Variants in ATRNL1 observed in about 807,000 individuals in gnomAD.
ATRNL1 encodes the protein attractin-like protein 1.
ATRNL1 carries 95 observed loss-of-function variants against 182.7 expected under a neutral mutation model. The observed-to-expected ratio is 0.52, with a 90% confidence interval of 0.44 to 0.62. The LOEUF (loss-of-function observed/expected upper bound fraction) is 0.62. Among genes scored for constraint, ATRNL1 ranks in the 20% least tolerant of loss-of-function variants. ATRNL1 has a pLI of 0.00. For missense variants in ATRNL1, 1,471 were observed against 1,679.5 expected, an observed-to-expected ratio of 0.88 and a Z score of 2.17; for synonymous variants, 576 against 568.3, an observed-to-expected ratio of 1.01 and a Z score of -0.19.
intron 28 of ATRNL1, among the ~76,000 whole-genome samples, chr10:115,887,500 G>A (rs186604026): frequency 7.9e-5 from 12 of 152,150 alleles, no homozygotes; most frequent in Admixed American, 2.0e-4. Flanking sequence ...CTTTTATAAG[G>A]GCACTGGTCC....
chr10:115,214,750 T>C (rs1264747), intron 8 of ATRNL1, among the ~76,000 whole-genome samples: 5,146 of 152,214 alleles, frequency 0.034, 110 homozygotes, highest in African/African-American at 0.052. Flanking sequence ...AAATTGTGGG[T>C]TTTTCGTATG....
At position 115,093,645 on chromosome 10, in the gene ATRNL1, G is replaced by A; in HGVS notation, c.-106G>A. ...GACTCGGACGGGCGCCGGTGAGGAGGAGGAGAAGCGGCGGCGGAGAGGTTT... is the reference window on the plus strand; with the variant it reads ...GACTCGGACGGGCGCCGGTGAGGAGAAGGAGAAGCGGCGGCGGAGAGGTTT... On this transcript the variant is annotated 5_prime_UTR_variant, in exon 1 of 29. Transcript: ENST00000355044. This position sits in a 1 kb window ranked among gnomAD's most constrained non-coding sequence, Gnocchi z 6.1. 1 of 1,258,282 alleles carries A rather than the reference G, an allele frequency of 7.9e-7. No homozygotes were observed. The highest frequency in any genetic ancestry group is 1.3e-5 in the South Asian group (1 of 76,790). The allele number at this position is 1,258,282 out of a possible 1,614,324, so 77.9% of individuals were successfully genotyped here.
intron 24 of ATRNL1, among the ~76,000 whole-genome samples, chr10:115,511,619 C>T (rs1850391415): frequency 6.6e-6 from 1 of 151,870 alleles, no homozygotes; most frequent in Non-Finnish European, 1.5e-5. Flanking sequence ...TTTTCTCCCA[C>T]AAATTTTGAC....
chr10:115,780,204 G>A (rs1210838421), intron 27 of ATRNL1, among the ~76,000 whole-genome samples: 1 of 152,190 alleles, frequency 6.6e-6, no homozygotes, highest in Non-Finnish European at 1.5e-5. Context: ...GTGCTGCTCT[G>A]CCACAGGATA....
At chr10:115,102,328 A>G (rs1199216761) in intron 1 of ATRNL1, among the ~76,000 whole-genome samples, 3 of 151,878 alleles carry the variant, frequency 2.0e-5, no homozygotes, top group Non-Finnish European at 4.4e-5. Flanking sequence ...CTTTATGTAT[A>G]TTTATTTTTT....
At chr10:115,286,713 T>C (rs545193914) in intron 15 of ATRNL1, among the ~76,000 whole-genome samples, 10 of 152,062 alleles carry the variant, frequency 6.6e-5, no homozygotes, top group African/African-American at 2.2e-4. Context: ...AAACAATTTT[T>C]GCTGAAAACT....
intron 5 of ATRNL1, among the ~76,000 whole-genome samples, chr10:115,157,585 A>T (rs1471770193): frequency 1.3e-5 from 2 of 152,016 alleles, no homozygotes; most frequent in Non-Finnish European, 2.9e-5. Flanking sequence ...CTATCTTCAG[A>T]TCCGGGACTG....
At chr10:115,511,325 A>G (rs1487949891) in intron 24 of ATRNL1, among the ~76,000 whole-genome samples, 12 of 151,936 alleles carry the variant, frequency 7.9e-5, no homozygotes, top group Non-Finnish European at 1.6e-4. Context: ...TAAGAATATA[A>G]CCTAATAAGA....
chr10:115,569,920 G>A (rs1330922904), intron 26 of ATRNL1, among the ~76,000 whole-genome samples: 2 of 152,156 alleles, frequency 1.3e-5, no homozygotes, highest in African/African-American at 4.8e-5. Flanking sequence ...CAGCAGATTT[G>A]GTGTCTGGCG....
intron 25 of ATRNL1, among the ~76,000 whole-genome samples, chr10:115,519,637 A>G (rs1850816168): frequency 6.6e-6 from 1 of 152,174 alleles, no homozygotes; most frequent in African/African-American, 2.4e-5. Flanking sequence ...CATGCACCAC[A>G]TGGATTAGTT....
intron 1 of ATRNL1, among the ~76,000 whole-genome samples, chr10:115,094,582 C>T (rs939305457): frequency 2.6e-5 from 4 of 152,140 alleles, no homozygotes; most frequent in African/African-American, 7.2e-5. Flanking sequence ...GATGGACTTG[C>T]TAAGTGCCAA....
chr10:115,504,791 T>G (rs1269510497), intron 24 of ATRNL1, among the ~76,000 whole-genome samples: 2 of 152,180 alleles, frequency 1.3e-5, no homozygotes, highest in Non-Finnish European at 2.9e-5. Flanking sequence ...TTTAAGCACT[T>G]TTATTTTCTT....
chr10:115,586,670 A>G lies in ATRNL1; in HGVS notation c.3795+37134A>G, dbSNP rs1490643087. On this transcript the variant is annotated intron_variant, in intron 26 of 28. Coordinates refer to ENST00000355044, the MANE Select transcript of ATRNL1 (RefSeq NM_207303.4). Reference sequence around the variant, plus strand: ...ATACATTCTTCTAAATTTTTTTCAGAGTTTTCAACTTCTTTGCCTTTGGTT... The same window carrying G: ...ATACATTCTTCTAAATTTTTTTCAGGGTTTTCAACTTCTTTGCCTTTGGTT... 1.5e-4 allele frequency among the ~76,000 whole-genome samples: 18 copies of G among 119,478 alleles called. 1 individual carries two copies. Among genetic ancestry groups the G allele is most frequent in the African/African-American group, 4.6e-4 (17 of 37,108 alleles). The allele number at this position is 119,478 out of a possible 152,430, so 78.4% of individuals were successfully genotyped here. A position where few individuals can be genotyped will look rare whatever the true frequency, so the allele number is the denominator to read the frequency against.
intron 20 of ATRNL1, among the ~76,000 whole-genome samples, chr10:115,422,149 A>C (rs1554962043): frequency 6.6e-6 from 1 of 152,214 alleles, no homozygotes; most frequent in Non-Finnish European, 1.5e-5. Context: ...TTTCATGACG[A>C]ATATGCCAAG....
At chr10:115,773,927 A>G (rs1397095503) in intron 27 of ATRNL1, among the ~76,000 whole-genome samples, 2 of 152,116 alleles carry the variant, frequency 1.3e-5, no homozygotes, top group Admixed American at 6.5e-5. Flanking sequence ...ATGGGAAAGT[A>G]TAGGATTTAT....
chr10:115,578,721 T>C (rs1041585142), intron 26 of ATRNL1, among the ~76,000 whole-genome samples: 5 of 151,644 alleles, frequency 3.3e-5, no homozygotes, highest in Admixed American at 1.3e-4. Flanking sequence ...TTTTCTCTTT[T>C]CTGTTTGATT....
intron 28 of ATRNL1, among the ~76,000 whole-genome samples, chr10:115,938,151 G>A (rs947988583): frequency 2.0e-5 from 3 of 152,162 alleles, no homozygotes; most frequent in Non-Finnish European, 2.9e-5. Flanking sequence ...TTCATTTGAT[G>A]TGCAGTATTT....
rs188284526 is a variant in ATRNL1 at position 115,695,528 on chromosome 10, G to A, written c.3796-31720G>A. Among the ~76,000 whole-genome samples, 115 of 152,156 alleles carry A rather than the reference G, an allele frequency of 7.6e-4. No individual in the cohort carries two copies. In the Middle Eastern group the frequency reaches 0.017, roughly 23 times the overall value. On this transcript the variant is annotated intron_variant, in intron 26 of 28. Transcript: ENST00000355044. The stretch of plus-strand genomic sequence containing the variant: ...AATATGATGTCATTCTAAAACCCAC[G>A]AGGAGTAAATGTGATTTGTATTGTA...
intron 18 of ATRNL1, among the ~76,000 whole-genome samples, chr10:115,319,758 A>G (rs1170287045): frequency 4.9e-5 from 7 of 143,570 alleles, no homozygotes; most frequent in South Asian, 2.2e-4. Flanking sequence ...ATTTTCCTCC[A>G]TCTCTTTATT....
Sources: gnomAD v4.1 joint callset for allele counts (sites outside exome capture counted in the v4.1 genomes callset) on GRCh38, gnomAD v4.1.1 for gene constraint, Gnocchi (gnomAD v3.1) non-coding constraint, MANE v1.5 for transcripts, NCBI Gene and HGNC (gene_info 2026-07-23, HGNC 2026-07-21) for gene names.